The following PTPN4 variants were observed in gnomAD, a reference collection of about 807,000 sequenced individuals.
PTPN4 encodes the protein protein tyrosine phosphatase non-receptor type 4.
In PTPN4, 49 loss-of-function variants were observed where a neutral mutation model predicts 135.5. The observed-to-expected ratio is 0.36, with a 90% CI of 0.29 to 0.46. The LOEUF (loss-of-function observed/expected upper bound fraction) is 0.46. PTPN4 is among the 20% of genes least tolerant of loss of function. The pLI, the probability that PTPN4 is intolerant of heterozygous loss-of-function variation, is 1.00. For synonymous variants in PTPN4, 333 were observed against 369.9 expected (o/e 0.90, Z 1.14); for missense variants, 860 against 1,101.0 (o/e 0.78, Z 3.10).
chr2:119,812,766 T>C (rs1042240413), intron 2 of PTPN4, among the ~76,000 whole-genome samples: 2 of 152,246 alleles, frequency 1.3e-5, no homozygotes, highest in Non-Finnish European at 2.9e-5. Flanking sequence ...CAAATATGTT[T>C]GCATTAACAA....
At chr2:119,780,170 T>C (rs894177221) in intron 1 of PTPN4, among the ~76,000 whole-genome samples, 1 of 152,256 alleles carries the variant, frequency 6.6e-6, no homozygotes, top group Non-Finnish European at 1.5e-5. Flanking sequence ...CATTAATTGA[T>C]ACTTTGCTTT....
At chr2:119,927,900 T>G (rs1328355254) in intron 13 of PTPN4, among the ~76,000 whole-genome samples, 1 of 152,214 alleles carries the variant, frequency 6.6e-6, no homozygotes, top group Non-Finnish European at 1.5e-5. Context: ...CTTGGTTTTT[T>G]TCTTCCTCCT....
intron 1 of PTPN4, among the ~76,000 whole-genome samples, chr2:119,787,248 T>G (rs1044602436): frequency 1.3e-5 from 2 of 152,156 alleles, no homozygotes; most frequent in African/African-American, 4.8e-5. Context: ...AGAAACCCAG[T>G]TGGGGAAGGA....
At chr2:119,835,865 C>T (rs982815664) in intron 2 of PTPN4, among the ~76,000 whole-genome samples, 3 of 151,872 alleles carry the variant, frequency 2.0e-5, no homozygotes, top group Non-Finnish European at 4.4e-5. Flanking sequence ...GTCAAGAGAT[C>T]GAAACCATCC....
At chr2:119,974,042 G>C (rs372823173) in intron 26 of PTPN4, among the ~76,000 whole-genome samples, 2 of 152,064 alleles carry the variant, frequency 1.3e-5, no homozygotes, top group Non-Finnish European at 2.9e-5. Context: ...GGAAAGGCAA[G>C]AAAAACATTT....
Position 119,952,073 on chromosome 2 carries a change from T to C in PTPN4, c.1757T>C (p.Ile586Thr). ...ACTCATGATCAGGTTGTGCTGTTTA[T>C]TAAAGCTAGTTGTGAGAGACATTCT... Reference protein sequence around the residue: ...EHTHDQVVLFIKASCERHSGE... With the variant: ...EHTHDQVVLFTKASCERHSGE... The change falls in exon 19 of 27, where the codon ATT becomes ACT. Residue 586 changes from isoleucine (I) to threonine (T), a missense_variant. Ile to Thr is a moderately conservative substitution (Grantham distance 89). Coordinates refer to ENST00000263708, the MANE Select transcript of PTPN4 (RefSeq NM_002830.4). 6.2e-7 allele frequency: 1 copy of C among 1,613,494 alleles called. No homozygotes were observed. The highest frequency in any genetic ancestry group is 1.1e-5 in the South Asian group (1 of 91,072).
At chr2:119,763,219 T>C (rs1243528826) in intron 1 of PTPN4, among the ~76,000 whole-genome samples, 2 of 152,204 alleles carry the variant, frequency 1.3e-5, no homozygotes, top group African/African-American at 4.8e-5. Context: ...TCATTATTCT[T>C]AAGTAGAAAC....
chr2:119,973,226 A>G (rs1679562934), intron 26 of PTPN4, among the ~76,000 whole-genome samples: 1 of 151,788 alleles, frequency 6.6e-6, no homozygotes, highest in Non-Finnish European at 1.5e-5. Flanking sequence ...GAGTTTGACT[A>G]CTCTAGATAC....
chr2:119,926,493 A>T, intron 12 of PTPN4, 105 bp from the exon 13 acceptor site: 1 of 680,644 alleles, frequency 1.5e-6, no homozygotes, highest in East Asian at 2.9e-5. Flanking sequence ...CTCTGCTAGA[A>T]ATGTCTTGTC....
At chr2:119,948,832 T>C (rs1679172156) in intron 18 of PTPN4, among the ~76,000 whole-genome samples, 1 of 152,132 alleles carries the variant, frequency 6.6e-6, no homozygotes, top group African/African-American at 2.4e-5. Flanking sequence ...ATTAAAATAT[T>C]AGATACATAG....
At chr2:119,805,863 A>G (rs565610532) in intron 1 of PTPN4, among the ~76,000 whole-genome samples, 32 of 152,274 alleles carry the variant, frequency 2.1e-4, no homozygotes, top group African/African-American at 7.5e-4. Context: ...TCTATAAATT[A>G]CCTTGGGCAG....
chr2:119,840,530 A>G (rs1207672225), intron 2 of PTPN4, among the ~76,000 whole-genome samples: 1 of 152,188 alleles, frequency 6.6e-6, no homozygotes, highest in Non-Finnish European at 1.5e-5. Flanking sequence ...GCTATTGTGA[A>G]TAGTACTGTG....
chr2:119,920,588 G>A (rs1678722784), intron 12 of PTPN4, among the ~76,000 whole-genome samples: 1 of 152,092 alleles, frequency 6.6e-6, no homozygotes, highest in South Asian at 2.1e-4. Flanking sequence ...GACACCCAAG[G>A]TATCTTATGC....
intron 25 of PTPN4, among the ~76,000 whole-genome samples, chr2:119,967,434 G>A (rs552473585): frequency 1.3e-5 from 2 of 151,364 alleles, no homozygotes; most frequent in South Asian, 4.2e-4. Context: ...GGGCGTGAGC[G>A]AGATTCCGTC....
At chr2:119,961,572 GA>G (rs1165449193) in intron 23 of PTPN4, among the ~76,000 whole-genome samples, 1 of 152,158 alleles carries the variant, frequency 6.6e-6, no homozygotes, top group African/African-American at 2.4e-5. Context: ...CAAAAGAGTT[GA>G]AAAGGTCTGT....
At chr2:119,868,328 C>G (rs1017765678) in intron 3 of PTPN4, among the ~76,000 whole-genome samples, 6 of 152,198 alleles carry the variant, frequency 3.9e-5, no homozygotes, top group African/African-American at 1.4e-4. Flanking sequence ...ATTTCAATAC[C>G]AAATGTTGAC....
intron 1 of PTPN4, among the ~76,000 whole-genome samples, chr2:119,793,990 C>T (rs566780130): frequency 2.2e-4 from 33 of 150,170 alleles, no homozygotes; most frequent in Non-Finnish European, 3.8e-4. Context: ...ATTACAGGTG[C>T]GTGCCACCAT....
At chr2:119,918,941 A>G (rs1322971978) in intron 11 of PTPN4, among the ~76,000 whole-genome samples, 2 of 152,274 alleles carry the variant, frequency 1.3e-5, no homozygotes, top group Non-Finnish European at 2.9e-5. Flanking sequence ...TATCAGAAAC[A>G]TAATGCTGAA....
chr2:119,912,682 A>T (rs535830824), intron 10 of PTPN4, among the ~76,000 whole-genome samples: 70 of 152,200 alleles, frequency 4.6e-4, no homozygotes, highest in Non-Finnish European at 5.6e-4. Context: ...TTGGATATTC[A>T]TATTGAAAAC....
Sources: gnomAD v4.1 joint callset for allele counts (sites outside exome capture counted in the v4.1 genomes callset) on GRCh38, gnomAD v4.1.1 for gene constraint, MANE v1.5 for transcripts, NCBI Gene and HGNC (gene_info 2026-07-23, HGNC 2026-07-21) for gene names.